Variants in ALKBH8 observed in about 807,000 individuals in gnomAD.
ALKBH8 encodes the protein tRNA (carboxymethyluridine(34)-5-O)-methyltransferase ALKBH8.
In ALKBH8, 36 loss-of-function variants were observed where a neutral mutation model predicts 59.8. That is an observed-to-expected ratio of 0.60 (90% CI 0.46 to 0.79). The LOEUF (loss-of-function observed/expected upper bound fraction) is 0.79, where lower values mean the gene tolerates loss of function less well. Among genes scored for constraint, ALKBH8 ranks in the 30% least tolerant of loss-of-function variants. The pLI is 0.00. For synonymous variants in ALKBH8, 276 were observed against 273.6 expected, an observed-to-expected ratio of 1.01 and a Z score of -0.09; for missense variants, 768 against 801.0, an observed-to-expected ratio of 0.96 and a Z score of 0.50.
At chr11:107,535,605 T>C (rs1565332704) in intron 7 of ALKBH8, among the ~76,000 whole-genome samples, 1 of 152,120 alleles carries the variant, frequency 6.6e-6, no homozygotes. Flanking sequence ...GATATGATTG[T>C]TTGTTTTTTT....
chr11:107,532,339 A>G lies in ALKBH8; in HGVS notation c.839T>C (p.Leu280Pro). The G allele has an allele frequency of 6.2e-7, 1 of 1,613,684 alleles. No individual in the cohort carries two copies. Among genetic ancestry groups the G allele is most frequent in the Non-Finnish European group, 8.5e-7 (1 of 1,179,690 alleles). ...VPVMLPRRSL[L>P]VMTGESRYLW... ...GTATCTAGATTCTCCTGTCATCACC[A>G]GCAAACTCCGACGAGGCAACATAAC... The change falls in exon 8 of 12, where the codon CTG becomes CCG. Residue 280 changes from leucine to proline, a missense_variant. Leu to Pro is a moderately conservative substitution (Grantham distance 98). Transcript: ENST00000428149.
At chr11:107,527,738 T>A (rs1279558954) in intron 8 of ALKBH8, among the ~76,000 whole-genome samples, 2 of 152,086 alleles carry the variant, frequency 1.3e-5, no homozygotes, top group Non-Finnish European at 2.9e-5. Context: ...GGATTTTCTA[T>A]ATCCACAATA....
At chr11:107,518,686 T>A (rs1862974327) in intron 10 of ALKBH8, among the ~76,000 whole-genome samples, 1 of 152,252 alleles carries the variant, frequency 6.6e-6, no homozygotes, top group African/African-American at 2.4e-5. Flanking sequence ...TTTCGGCCCA[T>A]CCCTTCGTTT....
At chr11:107,521,814 A>C (rs778433193) in intron 10 of ALKBH8, among the ~76,000 whole-genome samples, 2 of 152,070 alleles carry the variant, frequency 1.3e-5, no homozygotes, top group Non-Finnish European at 2.9e-5. Flanking sequence ...ATAAATAGAA[A>C]ATTTTTTTCT....
chr11:107,502,938 T>C lies in ALKBH8; in HGVS notation c.*1720A>G, dbSNP rs1037577240. The C allele has an allele frequency of 2.6e-5, 4 of 152,210 alleles. No individual in the cohort carries two copies. Among genetic ancestry groups the C allele is most frequent in the African/African-American group, 7.2e-5 (3 of 41,540 alleles). 9.4% of individuals were successfully genotyped at this position (152,210 alleles called of 1,614,324 possible). A position where few individuals can be genotyped will look rare whatever the true frequency, so the allele number is the denominator to read the frequency against. ...GCTAAGAAAACTGAAGCACAGAAAG[T>C]CAAGAAATTTGCCCAAAATCCCACA... is the stretch of plus-strand genomic sequence containing the variant. On this transcript the variant is annotated 3_prime_UTR_variant, in exon 12 of 12. Transcript: ENST00000428149.
intron 9 of ALKBH8, among the ~76,000 whole-genome samples, chr11:107,523,050 C>CAA (rs56663802): frequency 6.8e-6 from 1 of 146,698 alleles, no homozygotes; most frequent in African/African-American, 2.5e-5. Flanking sequence ...CTGCCTTGCT[C>CAA]AAAAAAAAAA....
At position 107,522,399 on chromosome 11, in the gene ALKBH8, TGCGGC is replaced by T; in HGVS notation, c.1182_1186del (p.Trp394Ter). The T allele has an allele frequency of 6.4e-7, 1 of 1,551,746 alleles. No individual in the cohort carries two copies. The highest frequency in any genetic ancestry group is 8.7e-7 in the Non-Finnish European group (1 of 1,146,986). On this transcript the variant is annotated stop_gained and frameshift_variant, in exon 10 of 12. Transcript: ENST00000428149. LOFTEE classifies it high-confidence loss of function. ...CAAAGCCTTCAAAAACTCCACAATG[TGCGGC>T]CAAGGGGTATGTCTTGTGCTGCTGA... is the stretch of plus-strand genomic sequence containing the variant.
intron 8 of ALKBH8, among the ~76,000 whole-genome samples, chr11:107,526,928 A>G (rs1247290585): frequency 1.3e-5 from 2 of 151,970 alleles, no homozygotes; most frequent in Non-Finnish European, 2.9e-5. Context: ...CTCCTGATCT[A>G]TCTGTCTATC....
chr11:107,535,767 C>A (rs1863790705), intron 7 of ALKBH8, among the ~76,000 whole-genome samples: 1 of 152,038 alleles, frequency 6.6e-6, no homozygotes, highest in Non-Finnish European at 1.5e-5. Context: ...CACAATGTCC[C>A]ATGAACACAG....
intron 10 of ALKBH8, among the ~76,000 whole-genome samples, chr11:107,515,290 G>A (rs901816460): frequency 1.3e-5 from 2 of 152,164 alleles, no homozygotes; most frequent in Non-Finnish European, 2.9e-5. Flanking sequence ...AAGGACTTGC[G>A]TAAAGCTACA....
chr11:107,548,055 C>A (rs1864341003), intron 7 of ALKBH8, among the ~76,000 whole-genome samples: 1 of 152,162 alleles, frequency 6.6e-6, no homozygotes, highest in Non-Finnish European at 1.5e-5. Context: ...AAGCACACTC[C>A]TAGTTTTTTT....
chr11:107,565,283 GA>G, intron 1 of ALKBH8: 1 of 476,544 alleles, frequency 2.1e-6, no homozygotes, highest in Non-Finnish European at 3.8e-6. Flanking sequence ...TCACCGGTCA[GA>G]AAAGCCCCAG....
At chr11:107,557,713 G>C (rs1391997486) in intron 2 of ALKBH8, among the ~76,000 whole-genome samples, 4 of 152,116 alleles carry the variant, frequency 2.6e-5, no homozygotes, top group Non-Finnish European at 2.9e-5. Flanking sequence ...TTTTTCCTTT[G>C]TAAGTTTCAC....
intron 8 of ALKBH8, among the ~76,000 whole-genome samples, chr11:107,529,291 G>A (rs1863478397): frequency 6.6e-6 from 1 of 152,082 alleles, no homozygotes; most frequent in Non-Finnish European, 1.5e-5. Context: ...CTGGCACAAG[G>A]AAAATGCTCC....
chr11:107,545,000 C>A (rs1013809739), intron 7 of ALKBH8, among the ~76,000 whole-genome samples: 2 of 152,050 alleles, frequency 1.3e-5, no homozygotes, highest in Non-Finnish European at 2.9e-5. Flanking sequence ...ACAGCAGAGA[C>A]AATCCATTTT....
At chr11:107,523,932 A>T (rs955810055) in intron 9 of ALKBH8, among the ~76,000 whole-genome samples, 1 of 152,078 alleles carries the variant, frequency 6.6e-6, no homozygotes, top group African/African-American at 2.4e-5. Context: ...TCTCATCACA[A>T]AAAAGTATAA....
chr11:107,506,465 G>T (rs562974138), intron 11 of ALKBH8, among the ~76,000 whole-genome samples: 11 of 151,792 alleles, frequency 7.2e-5, no homozygotes, highest in Non-Finnish European at 1.5e-4. Flanking sequence ...AATAACTATG[G>T]TTAGTATGCT....
At chr11:107,517,153 G>C (rs1458508269) in intron 10 of ALKBH8, among the ~76,000 whole-genome samples, 1 of 152,182 alleles carries the variant, frequency 6.6e-6, no homozygotes, top group Non-Finnish European at 1.5e-5. Context: ...AAATGGCCAA[G>C]TACATGAAAC....
chr11:107,545,950 C>T (rs601982), intron 7 of ALKBH8, among the ~76,000 whole-genome samples: 68,823 of 151,834 alleles, frequency 0.45, 16,909 homozygotes, highest in Non-Finnish European at 0.56. Flanking sequence ...AACACAACAA[C>T]GCACTCTTTA....
Sources: allele counts gnomAD v4.1 joint callset (sites outside exome capture counted in the v4.1 genomes callset), GRCh38; gene constraint gnomAD v4.1.1; transcripts MANE v1.5; gene names NCBI Gene and HGNC (gene_info 2026-07-23, HGNC 2026-07-21).